RYR3: variants seen among roughly 807,000 people sequenced by gnomAD.
RYR3 encodes the protein brain ryanodine receptor-calcium release channel.
RYR3 carries 207 observed loss-of-function variants against 584.3 expected under a neutral mutation model. The observed-to-expected ratio is 0.35, with a 90% CI of 0.32 to 0.40. The LOEUF is 0.40. RYR3 is among the 10% of genes least tolerant of loss of function. The pLI is 1.00. For missense variants in RYR3, 5,616 were observed against 6,089.2 expected, an observed-to-expected ratio of 0.92 and a Z score of 2.59; for synonymous variants, 2,416 against 2,248.5, an observed-to-expected ratio of 1.07 and a Z score of -2.11.
chr15:33,589,481 T>C (rs1027550505), intron 16 of RYR3, among the ~76,000 whole-genome samples: 1 of 152,202 alleles, frequency 6.6e-6, no homozygotes, highest in Admixed American at 6.5e-5. Flanking sequence ...CATTTATCTA[T>C]TTTTTGTTTT....
intron 35 of RYR3, 109 bp downstream of exon 35, chr15:33,663,057 C>T: frequency 1.1e-6 from 1 of 909,574 alleles, no homozygotes; most frequent in Non-Finnish European, 1.7e-6. Context: ...AAGTGCTTGG[C>T]ATAGTGACTG....
chr15:33,318,925 C>T (rs563656957), intron 1 of RYR3, among the ~76,000 whole-genome samples: 1 of 152,084 alleles, frequency 6.6e-6, no homozygotes, highest in East Asian at 1.9e-4. Context: ...CATACTAATC[C>T]CAAGCAAATG....
chr15:33,539,185 T>TG (rs2055592125), intron 5 of RYR3, 165 bp from the exon 6 acceptor site: 9 of 544,484 alleles, frequency 1.7e-5, no homozygotes, highest in South Asian at 7.2e-5. Context: ...CAAGAGCAGA[T>TG]GGGGGGCTGT....
intron 1 of RYR3, among the ~76,000 whole-genome samples, chr15:33,315,310 G>A (rs1391358507): frequency 6.6e-6 from 1 of 152,150 alleles, no homozygotes; most frequent in East Asian, 1.9e-4. Context: ...CTGCGGCAGG[G>A]CCCATTTACA....
At chr15:33,799,985 AC>A (rs1567196935) in intron 67 of RYR3, among the ~76,000 whole-genome samples, 2 of 152,170 alleles carry the variant, frequency 1.3e-5, no homozygotes, top group Admixed American at 6.5e-5. Flanking sequence ...ATGGCAACTC[AC>A]CCAGCCCTTG....
intron 18 of RYR3, among the ~76,000 whole-genome samples, chr15:33,609,838 G>A (rs868799595): frequency 1.3e-5 from 2 of 151,970 alleles, no homozygotes; most frequent in African/African-American, 4.8e-5. Flanking sequence ...TGGGACCTTG[G>A]GTATCTAAAC....
At chr15:33,442,270 A>G (rs1400427140) in intron 1 of RYR3, among the ~76,000 whole-genome samples, 1 of 152,210 alleles carries the variant, frequency 6.6e-6, no homozygotes, top group East Asian at 1.9e-4. Flanking sequence ...TTGTAAAAAC[A>G]ATATTTCAGT....
Position 33,736,323 on chromosome 15 carries a change from A to C in RYR3, c.7513A>C (p.Lys2505Gln). 1 of 1,604,574 alleles carries C rather than the reference A, an allele frequency of 6.2e-7. No homozygotes were observed. Among genetic ancestry groups the C allele is most frequent in the Non-Finnish European group, 8.5e-7 (1 of 1,173,144 alleles). Residue 2505 changes from lysine (K) to glutamine (Q), a missense_variant and splice_region_variant, in exon 49 of 104, where the codon AAG (lysine) becomes CAG (glutamine). Coordinates refer to ENST00000634891, the MANE Select transcript of RYR3 (RefSeq NM_001036.6). ...CAATGAATACTGCAAAATGCCTCTC[A>C]AGGTAAACATCACTATTGTTACAGA... is the stretch of plus-strand genomic sequence containing the variant. ...QLNEYCKMPL[K>Q]LLTNHYEQCW... is the part of the protein sequence containing the mutation.
chr15:33,835,864 G>A (rs533486144), intron 87 of RYR3, among the ~76,000 whole-genome samples: 3 of 150,392 alleles, frequency 2.0e-5, no homozygotes, highest in East Asian at 2.0e-4. Flanking sequence ...GTGTAGTCTC[G>A]AGACAAGAGC....
chr15:33,522,092 TAAA>T (rs36044198), intron 3 of RYR3, among the ~76,000 whole-genome samples: 1 of 114,790 alleles, frequency 8.7e-6, no homozygotes, highest in Admixed American at 9.2e-5. Flanking sequence ...CATCTCTACT[TAAA>T]AAAAAAAAAA....
intron 67 of RYR3, among the ~76,000 whole-genome samples, chr15:33,792,339 C>G (rs915269592): frequency 6.6e-6 from 1 of 152,140 alleles, no homozygotes; most frequent in Non-Finnish European, 1.5e-5. Flanking sequence ...CTGCTCCCTT[C>G]TCTCAAGGCC....
intron 36 of RYR3, among the ~76,000 whole-genome samples, chr15:33,664,649 G>T (rs2063392147): frequency 7.5e-6 from 1 of 133,022 alleles, no homozygotes; most frequent in Admixed American, 7.7e-5. Context: ...GATGCAAAAT[G>T]TAGGTAATCT....
chr15:33,494,006 G>T (rs1379681791), intron 2 of RYR3, among the ~76,000 whole-genome samples: 1 of 152,176 alleles, frequency 6.6e-6, no homozygotes, highest in East Asian at 1.9e-4. Flanking sequence ...CTTCCTCCAA[G>T]AGAGGCTAGA....
At chr15:33,388,088 A>G in intron 1 of RYR3, among the ~76,000 whole-genome samples, 1 of 152,232 alleles carries the variant, frequency 6.6e-6, no homozygotes, top group Non-Finnish European at 1.5e-5. Flanking sequence ...TGGGATAAAG[A>G]GAAACATTTA....
chr15:33,847,034 C>G (rs1221640333), intron 93 of RYR3: 2 of 152,198 alleles, frequency 1.3e-5, no homozygotes, highest in Non-Finnish European at 2.9e-5. Context: ...TTCTAGGAGA[C>G]TGAAGGGGAA....
At chr15:33,667,912 A>C (rs1264272415) in intron 36 of RYR3, among the ~76,000 whole-genome samples, 2 of 151,994 alleles carry the variant, frequency 1.3e-5, no homozygotes, top group South Asian at 2.1e-4. Context: ...AAATACAAGA[A>C]ATTAGCTGAG....
rs1043995321 is a variant in RYR3 at position 33,685,800 on chromosome 15, G to A, written c.5861-10418G>A. 7.2e-5 allele frequency among the ~76,000 whole-genome samples: 11 copies of A among 152,146 alleles called. No homozygotes were observed. In the South Asian group the frequency reaches 8.3e-4, roughly 11 times the overall value. On this transcript the variant is annotated intron_variant, in intron 38 of 103. Transcript: ENST00000634891. ...AGGATTAAGAAACTCACTCAAAACC[G>A]CACAACTACATGGAAACCGAACAAT...
intron 102 of RYR3, among the ~76,000 whole-genome samples, chr15:33,863,846 T>C (rs960012146): frequency 6.6e-6 from 1 of 152,224 alleles, no homozygotes; most frequent in South Asian, 2.1e-4. Context: ...ATTAGAATTT[T>C]GTTAACAATA....
chr15:33,685,877 A>G (rs1024476858), intron 38 of RYR3, among the ~76,000 whole-genome samples: 11 of 152,240 alleles, frequency 7.2e-5, no homozygotes, highest in African/African-American at 2.7e-4. Flanking sequence ...AGAAATAACG[A>G]TGTTCTTTGA....
Sources: gnomAD v4.1 joint callset for allele counts (sites outside exome capture counted in the v4.1 genomes callset) on GRCh38, gnomAD v4.1.1 for gene constraint, MANE v1.5 for transcripts, NCBI Gene and HGNC (gene_info 2026-07-23, HGNC 2026-07-21) for gene names.